Variants in STK32C observed in about 807,000 individuals in gnomAD.
The protein encoded by STK32C is serine/threonine-protein kinase 32C.
STK32C carries 31 observed loss-of-function variants against 56.5 expected under a neutral mutation model. That is an observed-to-expected ratio of 0.55 (90% CI 0.41 to 0.74). The LOEUF is 0.74. Ranked by LOEUF, STK32C falls within the 30% of genes least tolerant of loss-of-function variation. The pLI is 0.00. For missense variants in STK32C, 544 were observed against 676.9 expected, an observed-to-expected ratio of 0.80 and a Z score of 2.18; for synonymous variants, 309 against 289.4, an observed-to-expected ratio of 1.07 and a Z score of -0.69.
rs576457982 is a variant in STK32C, at chr10:132,240,499, G to A, written c.318+5401C>T. Among the ~76,000 whole-genome samples, 196 of 152,300 alleles carry A rather than the reference G, an allele frequency of 1.3e-3. 1 individual carries two copies. Among genetic ancestry groups the A allele is most frequent in the Non-Finnish European group, 2.5e-3 (171 of 68,022 alleles). On this transcript the variant is annotated intron_variant, in intron 2 of 11. Coordinates refer to ENST00000298630, the MANE Select transcript of STK32C (RefSeq NM_173575.4). ...ACGGGGGCATGGAGCTGGGGAGCCC[G>A]GCCAGGCAGACCTTCTTCACCCACA...
chr10:132,239,322 G>A (rs371442312), intron 2 of STK32C, among the ~76,000 whole-genome samples: 1 of 152,122 alleles, frequency 6.6e-6, no homozygotes, highest in Non-Finnish European at 1.5e-5. Context: ...CTCTGGACCC[G>A]GCACCAGCAA....
Position 132,245,881 on chromosome 10 carries a change from A to C in STK32C, c.318+19T>G. The C allele has an allele frequency of 6.2e-7, 1 of 1,610,842 alleles. No homozygotes were observed. Among genetic ancestry groups the C allele is most frequent in the Non-Finnish European group, 8.5e-7 (1 of 1,179,644 alleles). ...CCCCTGCCCCCTCAGCCCAGTCCCC[A>C]CCCCAGGCCCTGCCTTACCTTGCCA... On this transcript the variant is annotated intron_variant, in intron 2 of 11. Coordinates refer to ENST00000298630, the MANE Select transcript of STK32C (RefSeq NM_173575.4).
intron 10 of STK32C, chr10:132,209,313 A>G: frequency 1.4e-6 from 1 of 709,836 alleles, no homozygotes; most frequent in Non-Finnish European, 2.6e-6. Context: ...GAGGATGCCA[A>G]GGCCCAGCTC....
intron 10 of STK32C, among the ~76,000 whole-genome samples, chr10:132,210,670 C>T (rs948534227): frequency 1.3e-5 from 2 of 152,256 alleles, no homozygotes; most frequent in Non-Finnish European, 2.9e-5. Context: ...GATTTGCTGA[C>T]GTGCGTCACA....
At chr10:132,220,628 G>A (rs183007367) in intron 10 of STK32C, among the ~76,000 whole-genome samples, 1 of 152,316 alleles carries the variant, frequency 6.6e-6, no homozygotes, top group African/African-American at 2.4e-5. Context: ...GCCCCCAAAA[G>A]TCCCATCTCT....
At chr10:132,260,044 T>C (rs2064252267) in intron 1 of STK32C, among the ~76,000 whole-genome samples, 1 of 150,848 alleles carries the variant, frequency 6.6e-6, no homozygotes, top group African/African-American at 2.5e-5. Flanking sequence ...ATGCCACAAA[T>C]GCACGCTGTG....
intron 1 of STK32C, among the ~76,000 whole-genome samples, chr10:132,290,387 C>A (rs1291765384): frequency 1.3e-5 from 2 of 152,208 alleles, no homozygotes; most frequent in Non-Finnish European, 2.9e-5. Flanking sequence ...GAGTCCAGAG[C>A]GAACATAACC....
At chr10:132,283,892 G>A (rs1348406468) in intron 1 of STK32C, among the ~76,000 whole-genome samples, 6 of 152,102 alleles carry the variant, frequency 3.9e-5, no homozygotes, top group Admixed American at 2.6e-4. Flanking sequence ...GTCCAGCCCC[G>A]CCCCATCCAA....
intron 1 of STK32C, among the ~76,000 whole-genome samples, chr10:132,283,426 C>T (rs943928404): frequency 2.6e-5 from 4 of 152,224 alleles, no homozygotes; most frequent in Admixed American, 6.5e-5. Context: ...CCTCACCGTG[C>T]GACCAGCGGA....
At chr10:132,293,100 G>GC (rs1181040905) in intron 1 of STK32C, among the ~76,000 whole-genome samples, 7 of 152,272 alleles carry the variant, frequency 4.6e-5, no homozygotes, top group Admixed American at 4.6e-4. Context: ...CACGTGCGGG[G>GC]CGGTCAGTGC....
chr10:132,243,910 T>C (rs1417215009), intron 2 of STK32C, among the ~76,000 whole-genome samples: 1 of 152,170 alleles, frequency 6.6e-6, no homozygotes, highest in Non-Finnish European at 1.5e-5. Flanking sequence ...CTGGCAGGGC[T>C]TGGGCACAGC....
chr10:132,290,656 T>C (rs2065535575), intron 1 of STK32C, among the ~76,000 whole-genome samples: 1 of 152,210 alleles, frequency 6.6e-6, no homozygotes, highest in Admixed American at 6.5e-5. Flanking sequence ...ACCAAGCCAG[T>C]GTCCAGCATG....
At chr10:132,214,150 A>ATTC (rs2062398481) in intron 10 of STK32C, among the ~76,000 whole-genome samples, 1 of 149,600 alleles carries the variant, frequency 6.7e-6, no homozygotes, top group African/African-American at 2.5e-5. Flanking sequence ...AAACCACAGG[A>ATTC]TCTAAGAAGC....
intron 1 of STK32C, among the ~76,000 whole-genome samples, chr10:132,303,407 G>A (rs2065968352): frequency 6.6e-6 from 1 of 152,256 alleles, no homozygotes; most frequent in Non-Finnish European, 1.5e-5. Flanking sequence ...GGCAAGGCCG[G>A]ACGCAGCCAC....
At chr10:132,298,674 G>A (rs1337563274) in intron 1 of STK32C, among the ~76,000 whole-genome samples, 4 of 151,918 alleles carry the variant, frequency 2.6e-5, no homozygotes, top group Non-Finnish European at 2.9e-5. Context: ...GGGGGGAGTT[G>A]AGCGCCGTGT....
chr10:132,247,400 C>T (rs1458538984), intron 1 of STK32C, among the ~76,000 whole-genome samples: 4 of 152,322 alleles, frequency 2.6e-5, no homozygotes, highest in African/African-American at 2.4e-5. Flanking sequence ...GCCCTGGGGA[C>T]AGAGTCACAC....
At chr10:132,320,620 T>C (rs570733197), downstream of STK32C, among the ~76,000 whole-genome samples, 4 of 152,224 alleles carry the variant, frequency 2.6e-5, no homozygotes, top group East Asian at 3.9e-4. Context: ...AGGCAGGCAT[T>C]TGGGGGGCTA....
At chr10:132,258,757 T>C (rs2064208874) in intron 1 of STK32C, among the ~76,000 whole-genome samples, 1 of 152,194 alleles carries the variant, frequency 6.6e-6, no homozygotes, top group African/African-American at 2.4e-5. Flanking sequence ...CTGCCCCTCC[T>C]GAGCGGGCCC....
intron 1 of STK32C, among the ~76,000 whole-genome samples, chr10:132,294,998 G>A (rs1010885074): frequency 2.6e-5 from 4 of 152,138 alleles, no homozygotes; most frequent in Non-Finnish European, 4.4e-5. Context: ...AGATGTCAGC[G>A]GCCTCTGCCC....
Sources: gnomAD v4.1 joint callset for allele counts (sites outside exome capture counted in the v4.1 genomes callset) on GRCh38, gnomAD v4.1.1 for gene constraint, MANE v1.5 for transcripts, NCBI Gene and HGNC (gene_info 2026-07-23, HGNC 2026-07-21) for gene names.